Variants in GLI2 observed in about 807,000 individuals in gnomAD.
GLI2 encodes GLI family zinc finger 2.
A neutral mutation model predicts 78.9 loss-of-function variants in GLI2; 22 were observed. The observed-to-expected ratio is 0.28, with a 90% confidence interval of 0.20 to 0.40. The LOEUF is 0.40. GLI2 is among the 10% of genes least tolerant of loss of function. The probability of loss-of-function intolerance (pLI) is 1.00; values close to 1 mark genes in which losing one functional copy is unlikely to be tolerated. For synonymous variants in GLI2, 974 were observed against 963.7 expected (o/e 1.01, Z -0.20); for missense variants, 2,097 against 2,213.2 (o/e 0.95, Z 1.05).
chr2:120,837,037 C>T (rs933835193), intron 2 of GLI2, among the ~76,000 whole-genome samples: 1 of 152,174 alleles, frequency 6.6e-6, no homozygotes, highest in African/African-American at 2.4e-5. Flanking sequence ...ATCTCCTTTG[C>T]TGAGCTTTTT....
At chr2:120,852,995 T>C (rs1024976284) in intron 2 of GLI2, among the ~76,000 whole-genome samples, 7 of 152,108 alleles carry the variant, frequency 4.6e-5, no homozygotes, top group Admixed American at 4.6e-4. Context: ...AAGACAGCAA[T>C]GTGCATCCTT....
chr2:120,887,079 G>C (rs1677448385), intron 2 of GLI2, among the ~76,000 whole-genome samples: 2 of 152,122 alleles, frequency 1.3e-5, no homozygotes, highest in East Asian at 3.9e-4. Flanking sequence ...AAGATGCCTG[G>C]CTTCCCAAGC....
chr2:120,876,128 T>A (rs1008838843), intron 2 of GLI2, among the ~76,000 whole-genome samples: 7 of 152,212 alleles, frequency 4.6e-5, no homozygotes, highest in Non-Finnish European at 7.4e-5. Context: ...GATCACGAGG[T>A]CAGGAGATGG....
chr2:120,857,999 C>G (rs748178938), intron 2 of GLI2, among the ~76,000 whole-genome samples: 1 of 152,230 alleles, frequency 6.6e-6, no homozygotes, highest in East Asian at 1.9e-4. Flanking sequence ...TTTTGTGGGT[C>G]GATGGAAAGG....
At chr2:120,801,423 G>A (rs1425978679) in intron 2 of GLI2, among the ~76,000 whole-genome samples, 1 of 152,202 alleles carries the variant, frequency 6.6e-6, no homozygotes, top group Admixed American at 6.5e-5. Flanking sequence ...ACAGGCGTGA[G>A]CCACCTTGGG....
intron 2 of GLI2, among the ~76,000 whole-genome samples, chr2:120,824,345 G>T (rs943572822): frequency 1.3e-5 from 2 of 152,246 alleles, no homozygotes; most frequent in African/African-American, 4.8e-5. Context: ...TGGCCAGGGG[G>T]ACTGTGTGGA....
intron 9 of GLI2, 75 bp downstream of exon 9, chr2:120,975,184 C>T (rs1267873585): frequency 6.9e-6 from 10 of 1,453,420 alleles, no homozygotes; most frequent in Non-Finnish European, 9.6e-6. Context: ...CCTTCCAGGG[C>T]CTCTACTAGA....
At chr2:120,798,445 A>G (rs1335007033) in intron 2 of GLI2, among the ~76,000 whole-genome samples, 1 of 152,214 alleles carries the variant, frequency 6.6e-6, no homozygotes, top group Admixed American at 6.5e-5. Context: ...GAACATGGAA[A>G]GACCCTCGGA....
chr2:120,789,664 T>G (rs1174811492), intron 1 of GLI2, among the ~76,000 whole-genome samples: 1 of 152,264 alleles, frequency 6.6e-6, no homozygotes, highest in Non-Finnish European at 1.5e-5. Context: ...TTTACATGTG[T>G]GTCTATAGCT....
At chr2:120,812,838 G>A (rs567746493) in intron 2 of GLI2, among the ~76,000 whole-genome samples, 1 of 152,316 alleles carries the variant, frequency 6.6e-6, no homozygotes, top group South Asian at 2.1e-4. Flanking sequence ...CTCCAATCCT[G>A]CCAGTGTGTG....
At chr2:120,955,518 A>C in intron 5 of GLI2, 88 bp downstream of exon 5, 1 of 859,034 alleles carries the variant, frequency 1.2e-6, no homozygotes, top group Admixed American at 2.8e-5. Context: ...TTTTGGGGAC[A>C]AGGACCCTTA....
At chr2:120,741,661 C>G (rs1401523142) in intron 1 of GLI2, among the ~76,000 whole-genome samples, 3 of 152,094 alleles carry the variant, frequency 2.0e-5, no homozygotes, top group South Asian at 4.1e-4. Context: ...TCCGCGCCGG[C>G]TTTTCCGCCA....
At chr2:120,965,991 A>G (rs549557846) in intron 5 of GLI2, among the ~76,000 whole-genome samples, 16 of 152,356 alleles carry the variant, frequency 1.1e-4, no homozygotes, top group African/African-American at 2.9e-4. Context: ...TTACTAAAAT[A>G]TCTGTAAGCC....
intron 1 of GLI2, among the ~76,000 whole-genome samples, chr2:120,764,214 G>A (rs1414253354): frequency 1.3e-5 from 2 of 152,334 alleles, no homozygotes; most frequent in East Asian, 3.9e-4. Flanking sequence ...GCTGACTGGC[G>A]GGCTCGTGGC....
At chr2:120,831,332 A>G (rs947344817) in intron 2 of GLI2, among the ~76,000 whole-genome samples, 6 of 152,184 alleles carry the variant, frequency 3.9e-5, no homozygotes, top group African/African-American at 7.2e-5. Context: ...GCTCCTCCCA[A>G]AGAAAACCCT....
rs1553480327 is a variant in GLI2 at position 120,992,050 on chromosome 2, A to ACACACACACCCCC, written c.*1376_*1377insACACACACCCCCC. The ACACACACACCCCC allele has an allele frequency of 6.8e-6, 1 of 146,898 alleles. No homozygotes were observed. Among genetic ancestry groups the ACACACACACCCCC allele is most frequent in the Non-Finnish European group, 1.5e-5 (1 of 67,404 alleles). 9.1% of individuals were successfully genotyped at this position (146,898 alleles called of 1,614,324 possible). On this transcript the variant is annotated 3_prime_UTR_variant, in exon 14 of 14. Transcript: ENST00000361492. ...CACACACACACACACACACACACAC[A>ACACACACACCCCC]CCCCAAACCTTTTCATGGGGAATGT...
chr2:120,759,796 G>GT (rs1683160724), intron 1 of GLI2, among the ~76,000 whole-genome samples: 1 of 152,154 alleles, frequency 6.6e-6, no homozygotes, highest in African/African-American at 2.4e-5. Flanking sequence ...TTCTGCCTTG[G>GT]ATTTTCAGGT....
intron 2 of GLI2, among the ~76,000 whole-genome samples, chr2:120,920,302 A>T (rs1679305483): frequency 6.6e-6 from 1 of 152,242 alleles, no homozygotes; most frequent in Non-Finnish European, 1.5e-5. Context: ...TTGTGGCAAC[A>T]CATGACTTCA....
At position 120,781,492 on chromosome 2, in the gene GLI2, A is replaced by G. The variant is rs149707385; in HGVS notation, c.-30-15799A>G. Among the ~76,000 whole-genome samples, 49 of 152,388 alleles carry G rather than the reference A, an allele frequency of 3.2e-4. No individual in the cohort carries two copies. In the East Asian group the frequency reaches 9.1e-3, roughly 28 times the overall value. On this transcript the variant is annotated intron_variant, in intron 1 of 13. Coordinates refer to ENST00000361492, the MANE Select transcript of GLI2 (RefSeq NM_001374353.1). ...TTCCTACCCTCTTTCGCTTCGGGTC[A>G]GGAGTCAGGCTCGATTTATAGTTTC... is the stretch of plus-strand genomic sequence containing the variant.
Sources: gnomAD v4.1 joint callset for allele counts (sites outside exome capture counted in the v4.1 genomes callset) on GRCh38, gnomAD v4.1.1 for gene constraint, MANE v1.5 for transcripts, NCBI Gene and HGNC (gene_info 2026-07-23, HGNC 2026-07-21) for gene names.